EPB41L4A: variants seen among roughly 807,000 people sequenced by gnomAD.
The protein encoded by EPB41L4A is erythrocyte membrane protein band 4.1 like 4A.
Under a neutral mutation model 108.6 loss-of-function variants are expected in EPB41L4A, and 100 were observed. That is an observed-to-expected ratio of 0.92 (90% confidence interval 0.78 to 1.09). EPB41L4A has a LOEUF of 1.09. Ranked by LOEUF, EPB41L4A falls within the 50% of genes least tolerant of loss-of-function variation. EPB41L4A has a pLI of 0.00. For missense variants in EPB41L4A, 1,030 were observed against 842.7 expected, an observed-to-expected ratio of 1.22 and a Z score of -2.75; for synonymous variants, 319 against 289.0, an observed-to-expected ratio of 1.10 and a Z score of -1.05.
intron 4 of EPB41L4A, among the ~76,000 whole-genome samples, chr5:112,272,781 C>CAAAAAA (rs35621227): frequency 1.1e-5 from 1 of 90,476 alleles, no homozygotes; most frequent in African/African-American, 4.5e-5. Context: ...AACTCCGTCT[C>CAAAAAA]AAAAAAAAAA....
rs1330255355 is a variant in EPB41L4A, at chr5:112,163,252, T to C, written c.*1738A>G. 1 of 152,208 alleles carries C rather than the reference T, an allele frequency of 6.6e-6. No individual in the cohort carries two copies. The highest frequency in any genetic ancestry group is 1.5e-5 in the Non-Finnish European group (1 of 68,036). 9.4% of individuals were successfully genotyped at this position (152,208 alleles called of 1,614,324 possible). ...AGTGGAGGTGTCCATAACTGCTAGG[T>C]GTCCAGCTTGCACACTGATGAGCAT... On this transcript the variant is annotated 3_prime_UTR_variant, in exon 23 of 23. Transcript: ENST00000261486.
intron 1 of EPB41L4A, among the ~76,000 whole-genome samples, chr5:112,393,153 C>T (rs946267107): frequency 3.9e-5 from 6 of 151,958 alleles, no homozygotes; most frequent in Non-Finnish European, 7.4e-5. Context: ...GATCTAAAAT[C>T]GACACCCTAA....
chr5:112,308,126 C>G (rs1167080509), intron 1 of EPB41L4A, among the ~76,000 whole-genome samples: 3 of 152,174 alleles, frequency 2.0e-5, no homozygotes, highest in Non-Finnish European at 4.4e-5. Context: ...TCTCTCCCCA[C>G]CTACTACATA....
In EPB41L4A at chr5:112,234,184, TTAAAATAAAATAAAA is replaced by T. The variant is rs60528061; in HGVS notation, c.1087+435_1087+449del. Among the ~76,000 whole-genome samples the T allele has an allele frequency of 2.1e-3, 310 of 145,506 alleles. 1 individual carries two copies. The highest frequency in any genetic ancestry group is 7.0e-3 in the African/African-American group (280 of 39,854). On this transcript the variant is annotated intron_variant, in intron 12 of 22. Coordinates refer to ENST00000261486, the MANE Select transcript of EPB41L4A (RefSeq NM_022140.5). ...ATAAAATAATATAAAATAAATAAAATTAAAATAAAATAAAATAAAATAAAATATAAATAAAATAAA... is the reference window on the plus strand; with the variant it reads ...ATAAAATAATATAAAATAAATAAAATTAAAATAAAATATAAATAAAATAAA...
At chr5:112,416,886 C>T (rs561376093) in intron 1 of EPB41L4A, among the ~76,000 whole-genome samples, 12 of 152,200 alleles carry the variant, frequency 7.9e-5, no homozygotes, top group South Asian at 6.2e-4. Flanking sequence ...ATTTAGTACA[C>T]GCCAAGGGTG....
At chr5:112,419,624 T>G, upstream of EPB41L4A, 1 of 455,564 alleles carries the variant, frequency 2.2e-6, no homozygotes, top group South Asian at 1.6e-5. Context: ...TTCTTTTGTG[T>G]GAGGAGCACC....
chr5:112,355,383 G>T lies in EPB41L4A; in HGVS notation c.100-47893C>A, dbSNP rs140165197. 1.4e-3 allele frequency among the ~76,000 whole-genome samples: 215 copies of T among 152,216 alleles called. 1 individual carries two copies. Among genetic ancestry groups the T allele is most frequent in the African/African-American group, 4.9e-3 (204 of 41,546 alleles). On this transcript the variant is annotated intron_variant, in intron 1 of 22. Coordinates refer to ENST00000261486, the MANE Select transcript of EPB41L4A (RefSeq NM_022140.5). ...AAATTAAGTATGAAATTTCTTCACAGACTAAAGATCCTTCTCATGAGAAAA... is the reference window on the plus strand; with the variant it reads ...AAATTAAGTATGAAATTTCTTCACATACTAAAGATCCTTCTCATGAGAAAA...
rs549338544 is a variant in EPB41L4A, at chr5:112,199,891, G to A, written c.1377-4183C>T. 5.3e-5 allele frequency among the ~76,000 whole-genome samples: 8 copies of A among 152,226 alleles called. No homozygotes were observed. In the South Asian group the frequency reaches 1.7e-3, roughly 32 times the overall value. On this transcript the variant is annotated intron_variant, in intron 15 of 22. Transcript: ENST00000261486. ...TCCATGCTCCCATTCTCTATTGCTA[G>A]GACTCGGACAATAGCCTGCTGCCTG...
chr5:112,344,646 C>A (rs1757522923), intron 1 of EPB41L4A, among the ~76,000 whole-genome samples: 1 of 152,172 alleles, frequency 6.6e-6, no homozygotes, highest in South Asian at 2.1e-4. Flanking sequence ...CATTACAAGG[C>A]CTGAAGGGCA....
chr5:112,385,890 C>A (rs1254427242), intron 1 of EPB41L4A, among the ~76,000 whole-genome samples: 3 of 152,180 alleles, frequency 2.0e-5, no homozygotes, highest in Non-Finnish European at 2.9e-5. Context: ...GGGCAACATG[C>A]ACTGAATTAC....
At chr5:112,381,452 A>G (rs1485120319) in intron 1 of EPB41L4A, among the ~76,000 whole-genome samples, 2 of 152,256 alleles carry the variant, frequency 1.3e-5, no homozygotes, top group African/African-American at 4.8e-5. Context: ...TACTGAAAGC[A>G]GCAGGATTTG....
intron 1 of EPB41L4A, among the ~76,000 whole-genome samples, chr5:112,326,183 C>T (rs941634479): frequency 4.6e-5 from 7 of 152,086 alleles, no homozygotes; most frequent in Admixed American, 4.6e-4. Context: ...AAACTATACA[C>T]CAAACCATTC....
At chr5:112,351,696 A>G (rs1411979417) in intron 1 of EPB41L4A, among the ~76,000 whole-genome samples, 1 of 152,162 alleles carries the variant, frequency 6.6e-6, no homozygotes, top group Non-Finnish European at 1.5e-5. Context: ...AGAGAGAGAG[A>G]AAAACTGTAG....
At chr5:112,395,066 C>G (rs2112702389) in intron 1 of EPB41L4A, among the ~76,000 whole-genome samples, 1 of 152,332 alleles carries the variant, frequency 6.6e-6, no homozygotes, top group South Asian at 2.1e-4. Flanking sequence ...AACTGGATCC[C>G]TTCCTTACAC....
At chr5:112,283,646 A>ATCAT (rs1753099599) in intron 2 of EPB41L4A, among the ~76,000 whole-genome samples, 1 of 152,240 alleles carries the variant, frequency 6.6e-6, no homozygotes, top group Admixed American at 6.5e-5. Context: ...AAACTGGGAT[A>ATCAT]TCATTCATTC....
At chr5:112,318,724 C>G (rs10214321) in intron 1 of EPB41L4A, among the ~76,000 whole-genome samples, 1 of 152,258 alleles carries the variant, frequency 6.6e-6, no homozygotes, top group Non-Finnish European at 1.5e-5. Context: ...AGCTACACAA[C>G]CACAGATAAC....
intron 1 of EPB41L4A, among the ~76,000 whole-genome samples, chr5:112,408,647 G>T: frequency 8.9e-6 from 1 of 111,902 alleles, no homozygotes; most frequent in Non-Finnish European, 1.6e-5. Context: ...CTTCAAACGA[G>T]CCTGGGCAAC....
At chr5:112,361,858 C>G (rs1424709148) in intron 1 of EPB41L4A, among the ~76,000 whole-genome samples, 3 of 151,998 alleles carry the variant, frequency 2.0e-5, no homozygotes, top group Non-Finnish European at 4.4e-5. Flanking sequence ...CTGCCTTCAG[C>G]CTGGTCAACA....
chr5:112,247,043 C>T (rs909800330), intron 9 of EPB41L4A, among the ~76,000 whole-genome samples: 4 of 152,200 alleles, frequency 2.6e-5, no homozygotes, highest in Non-Finnish European at 5.9e-5. Flanking sequence ...CTAGACCAGC[C>T]AGGTTTGTGT....
Sources: allele counts gnomAD v4.1 joint callset (sites outside exome capture counted in the v4.1 genomes callset), GRCh38; gene constraint gnomAD v4.1.1; transcripts MANE v1.5; gene names NCBI Gene and HGNC (gene_info 2026-07-23, HGNC 2026-07-21).